ATXN1: variants seen among roughly 807,000 people sequenced by gnomAD.
The protein encoded by ATXN1 is ataxin-1.
Under a neutral mutation model 56.4 loss-of-function variants are expected in ATXN1, and 8 were observed. The ratio of observed to expected loss-of-function variants is 0.14; its 90% CI spans 0.08 to 0.26. The LOEUF is 0.26. Among genes scored for constraint, ATXN1 ranks in the 10% least tolerant of loss-of-function variants. ATXN1 has a pLI of 1.00. For missense variants in ATXN1, 987 were observed against 1,106.5 expected, an observed-to-expected ratio of 0.89 and a Z score of 1.53; for synonymous variants, 514 against 494.6, an observed-to-expected ratio of 1.04 and a Z score of -0.52.
At chr6:16,403,183 T>G (rs987888337) in intron 6 of ATXN1, among the ~76,000 whole-genome samples, 2 of 152,180 alleles carry the variant, frequency 1.3e-5, no homozygotes, top group Non-Finnish European at 2.9e-5. Context: ...ACCAGAATTC[T>G]GCCACATCCC....
intron 4 of ATXN1, among the ~76,000 whole-genome samples, chr6:16,555,376 G>C (rs1480322261): frequency 3.3e-5 from 5 of 152,154 alleles, no homozygotes; most frequent in Admixed American, 3.3e-4. Flanking sequence ...ACTAGGCTCA[G>C]AAAAGTTCAG....
In ATXN1 at chr6:16,470,908, T is replaced by C. The variant is rs530779614; in HGVS notation, c.-161+15064A>G. 5.9e-5 allele frequency among the ~76,000 whole-genome samples: 9 copies of C among 152,312 alleles called. No individual in the cohort carries two copies. The East Asian group carries it at 1.7e-3, about 29-fold the overall frequency. ...ATGCAATTATCCTAGCCAAGGTCTC[T>C]ATCAGCTTAATGTGAGTGTCTCAAC... On this transcript the variant is annotated intron_variant, in intron 6 of 7. Coordinates refer to ENST00000436367, the MANE Select transcript of ATXN1 (RefSeq NM_001128164.2).
At chr6:16,567,949 T>A (rs1203886258) in intron 4 of ATXN1, among the ~76,000 whole-genome samples, 2 of 152,120 alleles carry the variant, frequency 1.3e-5, no homozygotes, top group Admixed American at 6.5e-5. Flanking sequence ...TTTCCTTCCA[T>A]GTGTTAGATT....
At chr6:16,616,007 C>G (rs1763201590) in intron 3 of ATXN1, 1 of 151,864 alleles carries the variant, frequency 6.6e-6, no homozygotes, top group African/African-American at 2.4e-5. Flanking sequence ...TGCACTCCAG[C>G]CTGGGTGACA....
intron 6 of ATXN1, among the ~76,000 whole-genome samples, chr6:16,329,410 A>G (rs866207050): frequency 1.3e-5 from 2 of 152,064 alleles, no homozygotes; most frequent in South Asian, 4.1e-4. Flanking sequence ...ACACACACAC[A>G]AACACACACA....
intron 3 of ATXN1, among the ~76,000 whole-genome samples, chr6:16,648,056 C>T (rs1453455518): frequency 6.6e-6 from 1 of 152,220 alleles, no homozygotes; most frequent in Non-Finnish European, 1.5e-5. Flanking sequence ...GCCTGGGCAA[C>T]AAGAACGAAA....
chr6:16,567,655 ATTTTTAC>A (rs1303421469), intron 4 of ATXN1, among the ~76,000 whole-genome samples: 1 of 151,796 alleles, frequency 6.6e-6, no homozygotes, highest in Non-Finnish European at 1.5e-5. Flanking sequence ...ACAATGAGAA[ATTTTTAC>A]TTGTATATGG....
At chr6:16,643,647 A>AG (rs1461519634) in intron 3 of ATXN1, among the ~76,000 whole-genome samples, 1 of 151,232 alleles carries the variant, frequency 6.6e-6, no homozygotes, top group South Asian at 2.1e-4. Flanking sequence ...AAAAAAAAAA[A>AG]AGAGAAGAGA....
intron 4 of ATXN1, among the ~76,000 whole-genome samples, chr6:16,547,210 T>G (rs1761830605): frequency 6.6e-6 from 1 of 152,200 alleles, no homozygotes; most frequent in Non-Finnish European, 1.5e-5. Context: ...AATATACTGT[T>G]CAATTGCACT....
chr6:16,713,347 A>G lies in ATXN1; in HGVS notation c.-615+39886T>C, dbSNP rs191228633. On this transcript the variant is annotated intron_variant, in intron 2 of 7. Coordinates refer to ENST00000436367, the MANE Select transcript of ATXN1 (RefSeq NM_001128164.2). Reference sequence around the variant, plus strand: ...ACATTCCTATAAAATTAGCTTACTCACTGAATTTTTAAAAAGGAGAACAAA... The same window carrying G: ...ACATTCCTATAAAATTAGCTTACTCGCTGAATTTTTAAAAAGGAGAACAAA... 7.2e-5 allele frequency among the ~76,000 whole-genome samples: 11 copies of G among 152,284 alleles called. No individual in the cohort carries two copies. The East Asian group carries it at 2.1e-3, about 29-fold the overall frequency.
In ATXN1 at chr6:16,302,012, A is replaced by G. The variant is rs1226615418; in HGVS notation, c.*4317T>C. ...AAATTTTGGCAACATATTTCAGTAA[A>G]GATCAAACTGTGCAAAGAGTGGATT... On this transcript the variant is annotated 3_prime_UTR_variant, in exon 8 of 8. Transcript: ENST00000436367. The G allele has an allele frequency of 6.5e-6, 1 of 152,698 alleles. No individual in the cohort carries two copies. The highest frequency in any genetic ancestry group is 2.1e-4 in the South Asian group (1 of 4,836). 9.5% of individuals were successfully genotyped at this position (152,698 alleles called of 1,614,324 possible). A position where few individuals can be genotyped will look rare whatever the true frequency, so the allele number is the denominator to read the frequency against.
chr6:16,673,791 A>G (rs917030018), intron 2 of ATXN1, among the ~76,000 whole-genome samples: 4 of 152,120 alleles, frequency 2.6e-5, no homozygotes, highest in African/African-American at 9.7e-5. Flanking sequence ...TGCTGGGATT[A>G]CAGGTGTGAG....
At position 16,389,699 on chromosome 6, in the gene ATXN1, T is replaced by A. The variant is rs75116343; in HGVS notation, c.-160-61229A>T. Reference sequence around the variant, plus strand: ...GGAAAAGAAAACATAGAAGCAAAATTGAAAAGGGTTAATGGAAAGCACTAA... The same window carrying A: ...GGAAAAGAAAACATAGAAGCAAAATAGAAAAGGGTTAATGGAAAGCACTAA... On this transcript the variant is annotated intron_variant, in intron 6 of 7. Transcript: ENST00000436367. Among the ~76,000 whole-genome samples the A allele has an allele frequency of 3.0e-4, 45 of 152,256 alleles. No individual in the cohort carries two copies. In the East Asian group the frequency reaches 7.3e-3, roughly 25 times the overall value.
At chr6:16,379,746 A>G (rs995106022) in intron 6 of ATXN1, among the ~76,000 whole-genome samples, 15 of 152,348 alleles carry the variant, frequency 9.8e-5, no homozygotes, top group Non-Finnish European at 1.6e-4. Flanking sequence ...AAATGACTCT[A>G]CAGAGGCATC....
rs537438385 is a variant in ATXN1 at position 16,743,513 on chromosome 6, A to G, written c.-615+9720T>C. ...CATATTAATAGATGGAATCACATCC[A>G]ATTTGTAACATAAGCATCACAGGGG... On this transcript the variant is annotated intron_variant, in intron 2 of 7. Coordinates refer to ENST00000436367, the MANE Select transcript of ATXN1 (RefSeq NM_001128164.2). 2.6e-5 allele frequency among the ~76,000 whole-genome samples: 4 copies of G among 152,348 alleles called. No individual in the cohort carries two copies. The East Asian group carries it at 5.8e-4, about 22-fold the overall frequency.
At chr6:16,647,761 T>C (rs1037120892) in intron 3 of ATXN1, among the ~76,000 whole-genome samples, 8 of 152,200 alleles carry the variant, frequency 5.3e-5, no homozygotes, top group Non-Finnish European at 1.0e-4. Flanking sequence ...ATTTTGTCAA[T>C]CATAACTCAA....
At chr6:16,677,627 T>C (rs898262389) in intron 2 of ATXN1, among the ~76,000 whole-genome samples, 1 of 152,200 alleles carries the variant, frequency 6.6e-6, no homozygotes, top group African/African-American at 2.4e-5. Flanking sequence ...CAGAAAAAGC[T>C]GACACATTTG....
chr6:16,572,066 T>C (rs1762342437), intron 4 of ATXN1, among the ~76,000 whole-genome samples: 2 of 151,928 alleles, frequency 1.3e-5, no homozygotes, highest in Admixed American at 1.3e-4. Flanking sequence ...CCATGGGGAG[T>C]TCTCAGCATC....
intron 4 of ATXN1, among the ~76,000 whole-genome samples, chr6:16,585,412 A>G (rs188808176): frequency 1.1e-4 from 17 of 152,304 alleles, no homozygotes; most frequent in Admixed American, 8.5e-4. Flanking sequence ...TATATTGTTA[A>G]GAGGAACAAT....
Sources: gnomAD v4.1 joint callset for allele counts (sites outside exome capture counted in the v4.1 genomes callset) on GRCh38, gnomAD v4.1.1 for gene constraint, MANE v1.5 for transcripts, NCBI Gene and HGNC (gene_info 2026-07-23, HGNC 2026-07-21) for gene names.